DAOA: variants seen among roughly 807,000 people sequenced by gnomAD.
DAOA encodes D-amino acid oxidase activator.
A neutral mutation model predicts 16.4 loss-of-function variants in DAOA; 15 were observed. The ratio of observed to expected loss-of-function variants is 0.91; its 90% CI spans 0.61 to 1.41. The LOEUF (loss-of-function observed/expected upper bound fraction) is 1.41. Ranked by LOEUF, DAOA falls within the 40% of genes most tolerant of loss-of-function variation. DAOA has a pLI of 0.00. For synonymous variants in DAOA, 75 were observed against 59.1 expected (o/e 1.27, Z -1.23); for missense variants, 230 against 176.8 (o/e 1.30, Z -1.71).
At chr13:105,469,093 A>G (rs993014264) in intron 3 of DAOA, among the ~76,000 whole-genome samples, 1 of 152,220 alleles carries the variant, frequency 6.6e-6, no homozygotes, top group Non-Finnish European at 1.5e-5. Flanking sequence ...TAGACAAGGC[A>G]TCTACATTTT....
chr13:105,489,452 C>A (rs558461683), intron 4 of DAOA, among the ~76,000 whole-genome samples: 20 of 152,264 alleles, frequency 1.3e-4, no homozygotes, highest in African/African-American at 4.6e-4. Context: ...AGATCATATT[C>A]CAGGAATTGT....
intron 3 of DAOA, chr13:105,467,787 C>A (rs1935061): frequency 0.99 from 147,707 of 149,550 alleles, 72,962 homozygotes; most frequent in East Asian, 1. Flanking sequence ...GGCTTTTCTA[C>A]ACTATAGCAG....
intron 5 of DAOA, chr13:105,490,455 T>C (rs1469259308): frequency 6.5e-6 from 1 of 152,850 alleles, no homozygotes; most frequent in East Asian, 1.9e-4. Flanking sequence ...TTAGTGAATT[T>C]ATGTGGGAAA....
intron 4 of DAOA, 52 bp downstream of exon 4, chr13:105,472,737 A>T (rs1364328039): frequency 2.0e-6 from 3 of 1,533,516 alleles, no homozygotes; most frequent in African/African-American, 2.8e-5. Context: ...CTAAATGCTA[A>T]TGTTGGAACT....
intron 3 of DAOA, among the ~76,000 whole-genome samples, chr13:105,471,487 G>C (rs1320030465): frequency 6.6e-6 from 1 of 152,100 alleles, no homozygotes; most frequent in African/African-American, 2.4e-5. Flanking sequence ...AAAATAAATT[G>C]ATGGGCTCAG....
rs1001269969 is a variant in DAOA, at chr13:105,469,652, C to T, written c.133+2511C>T. On this transcript the variant is annotated intron_variant, in intron 3 of 5. Coordinates refer to ENST00000375936, the MANE Select transcript of DAOA (RefSeq NM_172370.5). ...AAACTACTTTCCAATTATCGTTTCC[C>T]TACTCTGAAATAATTAAAGTAAATT... 7.2e-5 allele frequency among the ~76,000 whole-genome samples: 11 copies of T among 152,276 alleles called. No homozygotes were observed. The East Asian group carries it at 1.9e-3, about 27-fold the overall frequency.
At chr13:105,475,317 A>G (rs1257140198) in intron 4 of DAOA, among the ~76,000 whole-genome samples, 1 of 152,176 alleles carries the variant, frequency 6.6e-6, no homozygotes, top group East Asian at 1.9e-4. Flanking sequence ...TAAACTGTTC[A>G]AAAAGGAAGT....
chr13:105,477,910 G>A (rs1372419494), intron 4 of DAOA, among the ~76,000 whole-genome samples: 3 of 152,046 alleles, frequency 2.0e-5, no homozygotes, highest in Non-Finnish European at 4.4e-5. Context: ...TATTTCACTT[G>A]TAAAATTTCA....
intron 4 of DAOA, among the ~76,000 whole-genome samples, chr13:105,486,781 G>T (rs1261204028): frequency 6.6e-6 from 1 of 151,868 alleles, no homozygotes; most frequent in Non-Finnish European, 1.5e-5. Context: ...ACCAAGCCTG[G>T]ATAATTTTTG....
intron 4 of DAOA, chr13:105,475,140 A>ATC: frequency 1.3e-5 from 8 of 626,890 alleles, no homozygotes; most frequent in Non-Finnish European, 1.6e-5. Context: ...TAGAAACCAG[A>ATC]TCTCCAGACT....
intron 5 of DAOA, chr13:105,490,662 T>C (rs991289338): frequency 3.3e-5 from 5 of 152,164 alleles, no homozygotes; most frequent in African/African-American, 9.7e-5. Context: ...CTTTTATTTT[T>C]TCTATAAATT....
intron 4 of DAOA, among the ~76,000 whole-genome samples, chr13:105,480,527 C>CATAG (rs59797400): frequency 0.2 from 29,874 of 146,558 alleles, 3,147 homozygotes; most frequent in East Asian, 0.25. Context: ...TGGATAGATA[C>CATAG]ATAGATAGAT....
chr13:105,467,131 A>G lies in DAOA; in HGVS notation c.123A>G (p.Leu41=). 1.2e-6 allele frequency: 2 copies of G among 1,608,848 alleles called. No individual in the cohort carries two copies. The highest frequency in any genetic ancestry group is 2.7e-5 in the African/African-American group (2 of 75,006). Residue 41 remains leucine (L), a synonymous_variant, in exon 3 of 6, where the codon CTA becomes CTG. Coordinates refer to ENST00000375936, the MANE Select transcript of DAOA (RefSeq NM_172370.5). The part of the protein sequence containing the change: ...SILLSKSENS[L]NSIAKETEEG... ...TTCTGAGCAAATCTGAAAACTCTCT[A>G]AACTCTATTGGTATGTTACTCTTTA... is the stretch of plus-strand genomic sequence containing the variant.
intron 4 of DAOA, among the ~76,000 whole-genome samples, chr13:105,485,084 G>A (rs536946006): frequency 6.6e-6 from 1 of 152,180 alleles, no homozygotes; most frequent in East Asian, 1.9e-4. Flanking sequence ...TCTTTAAAAT[G>A]TTTAATGTTG....
Position 105,466,345 on chromosome 13 carries a change from G to C in DAOA, c.44+13G>C. ...TCCAGCTTTTCAGGTAGGTAGCTTG[G>C]GGTTTTTTACAGCATGGCGGCCTCA... On this transcript the variant is annotated intron_variant, in intron 2 of 5. Coordinates refer to ENST00000375936, the MANE Select transcript of DAOA (RefSeq NM_172370.5). The C allele has an allele frequency of 1.2e-6, 2 of 1,613,906 alleles. No individual in the cohort carries two copies. The highest frequency in any genetic ancestry group is 1.7e-4 in the Middle Eastern group (1 of 6,052).
At chr13:105,487,366 T>C (rs145292827) in intron 4 of DAOA, among the ~76,000 whole-genome samples, 183 of 152,260 alleles carry the variant, frequency 1.2e-3, no homozygotes, top group Non-Finnish European at 2.0e-3. Flanking sequence ...ATTCTGATGA[T>C]GGAGCAGGAA....
At chr13:105,470,544 A>C (rs988935103) in intron 3 of DAOA, among the ~76,000 whole-genome samples, 7 of 152,316 alleles carry the variant, frequency 4.6e-5, no homozygotes, top group Non-Finnish European at 8.8e-5. Flanking sequence ...TAGAAATTCT[A>C]CATACATAAA....
chr13:105,472,476 T>G, intron 3 of DAOA, 62 bp from the exon 4 acceptor site: 1 of 1,530,874 alleles, frequency 6.5e-7, no homozygotes, highest in Non-Finnish European at 8.8e-7. Context: ...TAAACCAACA[T>G]GTATGTTAAA....
rs748764075 is a variant in DAOA, at chr13:105,472,567, G to C, written c.163G>C (p.Val55Leu). 4.5e-5 allele frequency: 72 copies of C among 1,613,866 alleles called. No homozygotes were observed. Among genetic ancestry groups the C allele is most frequent in the Non-Finnish European group, 5.8e-5 (68 of 1,179,914 alleles). The change falls in exon 4 of 6, where the codon GTA (valine) becomes CTA (leucine). Residue 55 changes from valine to leucine, a missense_variant. Val to Leu is a conservative substitution (Grantham distance 32). Coordinates refer to ENST00000375936, the MANE Select transcript of DAOA (RefSeq NM_172370.5). Reference sequence around the variant, plus strand: ...GGAGACAGAAGAAGGAAGAGAGACGGTAACAAGGAAAGAAGGATGGAAGAG... The same window carrying C: ...GGAGACAGAAGAAGGAAGAGAGACGCTAACAAGGAAAGAAGGATGGAAGAG... ...AKETEEGRETVTRKEGWKRRH... is the reference protein window; with the variant it reads ...AKETEEGRETLTRKEGWKRRH...
Sources: gnomAD v4.1 joint callset for allele counts (sites outside exome capture counted in the v4.1 genomes callset) on GRCh38, gnomAD v4.1.1 for gene constraint, MANE v1.5 for transcripts, NCBI Gene and HGNC (gene_info 2026-07-23, HGNC 2026-07-21) for gene names.